Variants in FAM120A observed in about 807,000 individuals in gnomAD.
FAM120A encodes the protein family with sequence similarity 120 member A.
In FAM120A, 15 loss-of-function variants were observed where a neutral mutation model predicts 109.7. That is an observed-to-expected ratio of 0.14 (90% CI 0.09 to 0.21). FAM120A has a LOEUF of 0.21. Ranked by LOEUF, FAM120A falls within the 10% of genes least tolerant of loss-of-function variation. The pLI, the probability that FAM120A is intolerant of heterozygous loss-of-function variation, is 1.00. For synonymous variants in FAM120A, 493 were observed against 572.8 expected, an observed-to-expected ratio of 0.86 and a Z score of 1.99; for missense variants, 899 against 1,439.3, an observed-to-expected ratio of 0.62 and a Z score of 6.07.
intron 3 of FAM120A, among the ~76,000 whole-genome samples, chr9:93,479,822 G>A (rs868439664): frequency 2.0e-5 from 3 of 152,046 alleles, no homozygotes; most frequent in Admixed American, 6.6e-5. Flanking sequence ...GACTGTCATC[G>A]AACCAGCTAC....
intron 3 of FAM120A, among the ~76,000 whole-genome samples, chr9:93,478,499 C>CG (rs1564316234): frequency 6.6e-6 from 1 of 152,168 alleles, no homozygotes; most frequent in Non-Finnish European, 1.5e-5. Flanking sequence ...TTATTTGAGA[C>CG]AGAGTCTTGC....
intron 5 of FAM120A, among the ~76,000 whole-genome samples, chr9:93,503,196 C>T (rs1208153139): frequency 2.0e-5 from 3 of 152,294 alleles, no homozygotes; most frequent in Admixed American, 6.5e-5. Context: ...AAGACAGCTT[C>T]GCAGATATTT....
At chr9:93,486,634 A>G (rs1173300222) in intron 3 of FAM120A, among the ~76,000 whole-genome samples, 2 of 151,346 alleles carry the variant, frequency 1.3e-5, no homozygotes, top group East Asian at 1.9e-4. Flanking sequence ...CCCAGGCTCA[A>G]GTGATTCGCT....
Position 93,532,033 on chromosome 9 carries a change from CA to C in FAM120A, c.1735-121del. 1.1e-6 allele frequency: 1 copy of C among 930,332 alleles called. No homozygotes were observed. The highest frequency in any genetic ancestry group is 1.6e-5 in the South Asian group (1 of 61,940). 57.6% of individuals were successfully genotyped at this position (930,332 alleles called of 1,614,324 possible). On this transcript the variant is annotated intron_variant, in intron 9 of 17. Coordinates refer to ENST00000277165, the MANE Select transcript of FAM120A (RefSeq NM_014612.5). This position sits in a 1 kb window ranked among gnomAD's most constrained non-coding sequence, Gnocchi z 4.3. ...ATCTTTATTTAGGCAAGTTGTTAAG[CA>C]GTTGATTTGGAATGGAATTGCAATG...
At chr9:93,454,427 T>G (rs937411361) in intron 1 of FAM120A, among the ~76,000 whole-genome samples, 3 of 151,356 alleles carry the variant, frequency 2.0e-5, no homozygotes, top group Admixed American at 1.3e-4. Context: ...GGTTGGCGGG[T>G]GTAGGGGGGT....
chr9:93,533,692 C>G (rs1418029268), intron 10 of FAM120A, among the ~76,000 whole-genome samples: 2 of 152,164 alleles, frequency 1.3e-5, no homozygotes, highest in African/African-American at 4.8e-5. Flanking sequence ...GCAGGCTGAC[C>G]AGGCCCTCAG....
At chr9:93,481,640 G>A (rs1416810349) in intron 3 of FAM120A, among the ~76,000 whole-genome samples, 3 of 152,112 alleles carry the variant, frequency 2.0e-5, no homozygotes, top group Non-Finnish European at 4.4e-5. Flanking sequence ...TGAGCCCTTC[G>A]AGCTCCTTTT....
intron 11 of FAM120A, among the ~76,000 whole-genome samples, chr9:93,545,582 T>C (rs1169104140): frequency 6.6e-6 from 1 of 152,188 alleles, no homozygotes; most frequent in African/African-American, 2.4e-5. Flanking sequence ...TCCCTCCCAC[T>C]GGGTCCCAAC....
At chr9:93,514,573 C>T (rs962948562) in intron 5 of FAM120A, among the ~76,000 whole-genome samples, 22 of 152,194 alleles carry the variant, frequency 1.4e-4, no homozygotes, top group African/African-American at 4.8e-4. Context: ...TTACTTAAAC[C>T]GCCTCAGGGC....
At chr9:93,502,326 G>A (rs1295380687) in intron 5 of FAM120A, among the ~76,000 whole-genome samples, 4 of 152,066 alleles carry the variant, frequency 2.6e-5, no homozygotes, top group Non-Finnish European at 5.9e-5. Context: ...TCTAAACTTG[G>A]CTGGAATTTT....
chr9:93,479,090 ATTTTTTT>A (rs11296612), intron 3 of FAM120A, among the ~76,000 whole-genome samples: 41 of 81,640 alleles, frequency 5.0e-4, no homozygotes, highest in Non-Finnish European at 5.4e-4. Context: ...AGGGTATTGC[ATTTTTTT>A]TTTTTTTTTT....
chr9:93,479,090 ATTTTTTTTTTTTTTT>A (rs11296612), intron 3 of FAM120A, among the ~76,000 whole-genome samples: 1 of 81,636 alleles, frequency 1.2e-5, no homozygotes, highest in Non-Finnish European at 2.3e-5. Context: ...AGGGTATTGC[ATTTTTTTTTTTTTTT>A]TTTTTTTTTT....
intron 1 of FAM120A, among the ~76,000 whole-genome samples, chr9:93,456,245 T>C (rs1036155963): frequency 6.6e-6 from 1 of 152,238 alleles, no homozygotes; most frequent in Admixed American, 6.5e-5. Flanking sequence ...GAATGACTTA[T>C]GTTTATTTTA....
chr9:93,489,290 A>G (rs1422175146), intron 3 of FAM120A, among the ~76,000 whole-genome samples: 1 of 152,232 alleles, frequency 6.6e-6, no homozygotes, highest in Admixed American at 6.5e-5. Flanking sequence ...CTACTCATAG[A>G]GTTGTGAGGA....
chr9:93,454,416 G>T (rs929572066), intron 1 of FAM120A, among the ~76,000 whole-genome samples: 1 of 151,924 alleles, frequency 6.6e-6, no homozygotes, highest in African/African-American at 2.4e-5. Flanking sequence ...GTGATGTGGG[G>T]GGTTGGCGGG....
intron 3 of FAM120A, among the ~76,000 whole-genome samples, chr9:93,496,386 A>G (rs948952638): frequency 6.6e-6 from 1 of 152,212 alleles, no homozygotes; most frequent in East Asian, 1.9e-4. Context: ...GATGAAATGT[A>G]TTTCTTTAAT....
chr9:93,537,418 T>A (rs925804573), intron 10 of FAM120A, among the ~76,000 whole-genome samples: 1 of 152,220 alleles, frequency 6.6e-6, no homozygotes, highest in Non-Finnish European at 1.5e-5. Flanking sequence ...CGCACATTTT[T>A]AAAATTAACG....
intron 10 of FAM120A, among the ~76,000 whole-genome samples, chr9:93,540,296 C>T (rs1423721004): frequency 6.6e-6 from 1 of 152,238 alleles, no homozygotes; most frequent in African/African-American, 2.4e-5. Context: ...AGATCTCTAA[C>T]TATTAGAGAT....
chr9:93,476,766 T>C (rs1858567087), intron 3 of FAM120A, among the ~76,000 whole-genome samples: 1 of 152,350 alleles, frequency 6.6e-6, no homozygotes, highest in South Asian at 2.1e-4. Flanking sequence ...ATAAAGCTTT[T>C]TGGATGATGA....
Sources: allele counts gnomAD v4.1 joint callset (sites outside exome capture counted in the v4.1 genomes callset), GRCh38; gene constraint gnomAD v4.1.1; non-coding constraint Gnocchi (gnomAD v3.1); transcripts MANE v1.5; gene names NCBI Gene and HGNC (gene_info 2026-07-23, HGNC 2026-07-21).